Variants in CSMD1 observed in about 807,000 individuals in gnomAD.
CSMD1 encodes the protein CUB and sushi domain-containing protein 1.
CSMD1 carries 213 observed loss-of-function variants against 417.5 expected under a neutral mutation model. The ratio of observed to expected loss-of-function variants is 0.51; its 90% CI spans 0.46 to 0.57. The LOEUF is 0.57. Among genes scored for constraint, CSMD1 ranks in the 20% least tolerant of loss-of-function variants. The probability of loss-of-function intolerance (pLI) is 0.00; values close to 1 mark genes in which losing one functional copy is unlikely to be tolerated. For missense variants in CSMD1, 6,923 were observed against 4,529.7 expected, an observed-to-expected ratio of 1.53 and a Z score of -15.17; for synonymous variants, 2,862 against 1,736.8, an observed-to-expected ratio of 1.65 and a Z score of -16.11.
At chr8:4,859,568 A>C (rs564718450) in intron 1 of CSMD1, among the ~76,000 whole-genome samples, 2 of 152,286 alleles carry the variant, frequency 1.3e-5, no homozygotes, top group East Asian at 3.9e-4. Context: ...TACAAGAAAA[A>C]AACAAACAAC....
At chr8:4,777,320 G>A (rs1039785824) in intron 1 of CSMD1, among the ~76,000 whole-genome samples, 5 of 152,168 alleles carry the variant, frequency 3.3e-5, no homozygotes, top group African/African-American at 1.2e-4. Flanking sequence ...AGAAAACTGG[G>A]ACTAGTAAAT....
intron 7 of CSMD1, among the ~76,000 whole-genome samples, chr8:3,669,510 G>A (rs575396721): frequency 6.6e-6 from 1 of 152,280 alleles, no homozygotes; most frequent in Non-Finnish European, 1.5e-5. Context: ...GAGAATACAA[G>A]TCCCAAGTTA....
At chr8:3,390,979 C>T (rs1811311444) in intron 17 of CSMD1, among the ~76,000 whole-genome samples, 1 of 152,148 alleles carries the variant, frequency 6.6e-6, no homozygotes, top group African/African-American at 2.4e-5. Flanking sequence ...GGCCATGTTA[C>T]ATTATTTACT....
At chr8:4,536,460 A>G (rs111788835) in intron 2 of CSMD1, among the ~76,000 whole-genome samples, 26 of 152,240 alleles carry the variant, frequency 1.7e-4, no homozygotes, top group African/African-American at 6.3e-4. Flanking sequence ...GTTTCAGCCT[A>G]GGTGCATCCT....
At chr8:3,723,946 T>G (rs531004873) in intron 6 of CSMD1, among the ~76,000 whole-genome samples, 1 of 151,318 alleles carries the variant, frequency 6.6e-6, no homozygotes, top group African/African-American at 2.4e-5. Flanking sequence ...TTTTAAGAAA[T>G]AGCCATTTGT....
Position 3,343,432 on chromosome 8 carries a change from T to G in CSMD1, c.3493A>C (p.Ser1165Arg), listed in dbSNP as rs1807791419. 2 of 1,613,710 alleles carry G rather than the reference T, an allele frequency of 1.2e-6. No individual in the cohort carries two copies. The highest frequency in any genetic ancestry group is 2.2e-5 in the South Asian group (2 of 91,076). ...AACGTGCCCAGTGGACGTGAGGAAC[T>G]GTCTTTTCCATCATATACCTGATGA... ...DTLKVYDGKDSSSRPLGTFTK... is the reference protein window; with the variant it reads ...DTLKVYDGKDRSSRPLGTFTK... Residue 1165 changes from serine (S) to arginine (R), a missense_variant, in exon 23 of 70, where the codon AGT becomes CGT. Coordinates refer to ENST00000635120, the MANE Select transcript of CSMD1 (RefSeq NM_033225.6).
At chr8:3,448,959 C>T (rs1335317793) in intron 12 of CSMD1, among the ~76,000 whole-genome samples, 1 of 152,174 alleles carries the variant, frequency 6.6e-6, no homozygotes, top group African/African-American at 2.4e-5. Context: ...AAGAAGGTGA[C>T]AGCCAATCGC....
chr8:3,167,572 T>C (rs1420746575), intron 37 of CSMD1, among the ~76,000 whole-genome samples: 1 of 152,226 alleles, frequency 6.6e-6, no homozygotes, highest in Non-Finnish European at 1.5e-5. Context: ...TGTGTTCAAT[T>C]CCAATGTTAA....
intron 5 of CSMD1, among the ~76,000 whole-genome samples, chr8:3,800,004 A>G (rs1366186422): frequency 6.6e-6 from 1 of 152,180 alleles, no homozygotes; most frequent in Non-Finnish European, 1.5e-5. Context: ...TATTTGTGTA[A>G]CCTTGTAAAA....
chr8:3,155,359 A>ATTTTTTTTTTTTTTTTTTTTTTTT lies in CSMD1; in HGVS notation c.5914+2514_5914+2537dup, dbSNP rs556304192. Among the ~76,000 whole-genome samples, 208 of 43,304 alleles carry ATTTTTTTTTTTTTTTTTTTTTTTT rather than the reference A, an allele frequency of 4.8e-3. 73 individuals carry two copies. The highest frequency in any genetic ancestry group is 6.9e-3 in the Non-Finnish European group (148 of 21,376). 28.4% of individuals were successfully genotyped at this position (43,304 alleles called of 152,430 possible). ...TTTTTCCTTCCAAATCAAGGCTGGGATTTTTTTTTTTTTTTTTTTTTTTTT... is the reference window on the plus strand; with the variant it reads ...TTTTTCCTTCCAAATCAAGGCTGGGATTTTTTTTTTTTTTTTTTTTTTTTTTTTTTTTTTTTTTTTTTTTTTTTT... On this transcript the variant is annotated intron_variant, in intron 39 of 69. Coordinates refer to ENST00000635120, the MANE Select transcript of CSMD1 (RefSeq NM_033225.6).
At chr8:3,395,004 C>T (rs574832522) in intron 17 of CSMD1, among the ~76,000 whole-genome samples, 6 of 151,832 alleles carry the variant, frequency 4.0e-5, no homozygotes, top group African/African-American at 9.7e-5. Flanking sequence ...TATGTAAAAC[C>T]GAGGAATGCA....
chr8:3,618,860 G>C (rs1170462717), intron 7 of CSMD1, among the ~76,000 whole-genome samples: 1 of 152,154 alleles, frequency 6.6e-6, no homozygotes, highest in African/African-American at 2.4e-5. Context: ...CCAGTGACCA[G>C]TTTCCTCTCT....
At chr8:3,730,677 T>A (rs1300144390) in intron 6 of CSMD1, among the ~76,000 whole-genome samples, 1 of 152,198 alleles carries the variant, frequency 6.6e-6, no homozygotes, top group African/African-American at 2.4e-5. Flanking sequence ...CAGCATTTAC[T>A]AACCTCACCA....
intron 58 of CSMD1, 39 bp from the exon 59 acceptor site, chr8:2,965,993 T>C: frequency 6.5e-7 from 1 of 1,530,218 alleles, no homozygotes; most frequent in Non-Finnish European, 8.9e-7. Flanking sequence ...GAGAAATTCA[T>C]TTACCATGAA....
At position 3,383,497 on chromosome 8, in the gene CSMD1, G is replaced by C. The variant is rs1019328733; in HGVS notation, c.2782+3997C>G. 2.1e-4 allele frequency among the ~76,000 whole-genome samples: 32 copies of C among 151,954 alleles called. 1 individual carries two copies. The highest frequency in any genetic ancestry group is 7.5e-4 in the African/African-American group (31 of 41,434). ...TGGAGGGAAGCCTTCTTCCACACTAGGAAAACCTCATGCATGGAGGGAAGC... is the reference window on the plus strand; with the variant it reads ...TGGAGGGAAGCCTTCTTCCACACTACGAAAACCTCATGCATGGAGGGAAGC... On this transcript the variant is annotated intron_variant, in intron 18 of 69. Transcript: ENST00000635120.
At chr8:4,137,971 C>G (rs371662217) in intron 3 of CSMD1, among the ~76,000 whole-genome samples, 43,265 of 148,262 alleles carry the variant, frequency 0.29, 7,761 homozygotes, top group Non-Finnish European at 0.38. Context: ...TCCATCTCCT[C>G]GGTTCACGCC....
chr8:4,834,725 G>C (rs578007729), intron 1 of CSMD1, among the ~76,000 whole-genome samples: 1 of 151,892 alleles, frequency 6.6e-6, no homozygotes, highest in Non-Finnish European at 1.5e-5. Context: ...GGGAGGCCGA[G>C]GCGGGCGGAT....
chr8:3,394,021 TA>T (rs1242919273), intron 17 of CSMD1, among the ~76,000 whole-genome samples: 2,142 of 100,836 alleles, frequency 0.021, 165 homozygotes, highest in African/African-American at 0.065. Context: ...ATTATATATA[TA>T]TATATATATA....
intron 56 of CSMD1, among the ~76,000 whole-genome samples, chr8:2,973,918 T>C (rs549677326): frequency 7.1e-6 from 1 of 141,420 alleles, no homozygotes; most frequent in East Asian, 2.1e-4. Flanking sequence ...TGGTAGAGGA[T>C]GGTGGTAGAG....
Sources: allele counts gnomAD v4.1 joint callset (sites outside exome capture counted in the v4.1 genomes callset), GRCh38; gene constraint gnomAD v4.1.1; transcripts MANE v1.5; gene names NCBI Gene and HGNC (gene_info 2026-07-23, HGNC 2026-07-21).